ANK2: variants seen among roughly 807,000 people sequenced by gnomAD.
ANK2 encodes ankyrin 2, also known as ankyrin-2.
Under a neutral mutation model 360.5 loss-of-function variants are expected in ANK2, and 83 were observed. That is an observed-to-expected ratio of 0.23 (90% confidence interval 0.19 to 0.28). The LOEUF (loss-of-function observed/expected upper bound fraction) is 0.28, where lower values mean the gene tolerates loss of function less well. Among genes scored for constraint, ANK2 ranks in the 10% least tolerant of loss-of-function variants. The pLI, the probability that ANK2 is intolerant of heterozygous loss-of-function variation, is 1.00. For missense variants in ANK2, 4,201 were observed against 4,795.7 expected (o/e 0.88, Z 3.66); for synonymous variants, 1,740 against 1,759.5 (o/e 0.99, Z 0.28).
the ANK2 span, among the ~76,000 whole-genome samples, chr4:112,786,845 T>C: frequency 1.1e-4 from 17 of 150,218 alleles, no homozygotes; most frequent in African/African-American, 4.2e-4. Context: ...ACCTCCCAGG[T>C]TCATGTGATT....
chr4:112,750,426 G>T, the ANK2 span, among the ~76,000 whole-genome samples: 1 of 152,064 alleles, frequency 6.6e-6, no homozygotes. Flanking sequence ...AATATGTTTA[G>T]ATACACAAAT....
chr4:112,782,202 TTC>T, the ANK2 span, among the ~76,000 whole-genome samples: 1 of 152,212 alleles, frequency 6.6e-6, no homozygotes, highest in East Asian at 1.9e-4. Flanking sequence ...TAGGATTTTT[TTC>T]AAAATAATCT....
At position 113,373,310 on chromosome 4, in the gene ANK2, A is replaced by C. The variant is rs1554597581; in HGVS notation, c.11720A>C (p.Tyr3907Ser). ...KKVTRKIIRRYVSSEGTEKEE... is the reference protein window; with the variant it reads ...KKVTRKIIRRSVSSEGTEKEE... Reference sequence around the variant, plus strand: ...GTTACTAGGAAAATCATTAGGCGGTATGTATCCTCTGAAGGCACAGAGAAA... The same window carrying C: ...GTTACTAGGAAAATCATTAGGCGGTCTGTATCCTCTGAAGGCACAGAGAAA... Residue 3907 changes from tyrosine (Y) to serine (S), a missense_variant, in exon 45 of 46, where the codon TAT becomes TCT. This residue lies in a region of ANK2 where 2,642 missense variants were observed against 2,714.5 expected (regional missense o/e 0.97). Transcript: ENST00000357077. 1 of 1,614,208 alleles carries C rather than the reference A, an allele frequency of 6.2e-7. No individual in the cohort carries two copies. Among genetic ancestry groups the C allele is most frequent in the East Asian group, 2.2e-5 (1 of 44,880 alleles).
intron 1 of ANK2, among the ~76,000 whole-genome samples, chr4:112,875,878 A>G (rs987062719): frequency 1.1e-4 from 16 of 150,942 alleles, no homozygotes; most frequent in Admixed American, 3.3e-4. Flanking sequence ...AGTAGCTGAG[A>G]CCAGATGAGC....
At chr4:113,192,865 C>T (rs1471254296) in intron 2 of ANK2, among the ~76,000 whole-genome samples, 1 of 150,718 alleles carries the variant, frequency 6.6e-6, no homozygotes, top group African/African-American at 2.4e-5. Context: ...TTTTCTTCTC[C>T]CAGGCAAATG....
chr4:113,021,541 C>CACACACATATATAT lies in ANK2; in HGVS notation c.21+117028_21+117029insCACACATATATATA, dbSNP rs1489947974. ...ATACACACACACACCCACACACAAACATATATATATATATATATATATATA... is the reference window on the plus strand; with the variant it reads ...ATACACACACACACCCACACACAAACACACACATATATATATATATATATATATATATATATATA... On this transcript the variant is annotated intron_variant, in intron 2 of 30. Transcript: ENST00000503271. Among the ~76,000 whole-genome samples, 31 of 95,636 alleles carry CACACACATATATAT rather than the reference C, an allele frequency of 3.2e-4. 1 individual carries two copies. The highest frequency in any genetic ancestry group is 1.1e-3 in the African/African-American group (30 of 26,178). The allele number at this position is 95,636 out of a possible 152,430, so 62.7% of individuals were successfully genotyped here.
At chr4:113,348,697 C>G (rs139462958) in intron 36 of ANK2, among the ~76,000 whole-genome samples, 12 of 152,010 alleles carry the variant, frequency 7.9e-5, no homozygotes, top group African/African-American at 2.7e-4. Context: ...ACATTATTTG[C>G]CTTTTAAACT....
chr4:112,864,986 C>T (rs904356552), intron 1 of ANK2, among the ~76,000 whole-genome samples: 6 of 128,060 alleles, frequency 4.7e-5, no homozygotes, highest in Non-Finnish European at 9.3e-5. Context: ...GAGCCGAGAT[C>T]GCGCCACTGC....
At chr4:113,267,510 C>A (rs1447287210) in intron 14 of ANK2, among the ~76,000 whole-genome samples, 1 of 152,138 alleles carries the variant, frequency 6.6e-6, no homozygotes, top group Non-Finnish European at 1.5e-5. Context: ...ATAGGGAATC[C>A]TTTTCCCATT....
chr4:113,106,953 A>T (rs751067547), intron 1 of ANK2: 1 of 530,852 alleles, frequency 1.9e-6, no homozygotes, highest in South Asian at 1.4e-5. Flanking sequence ...TTTTAAAAGA[A>T]CCTATTACAG....
chr4:113,237,561 A>G, intron 6 of ANK2, 38 bp from the exon 7 acceptor site: 1 of 1,587,074 alleles, frequency 6.3e-7, no homozygotes, highest in Non-Finnish European at 8.7e-7. Context: ...TGCATTGTGT[A>G]ATATCTTCCC....
intron 1 of ANK2, among the ~76,000 whole-genome samples, chr4:113,150,006 G>A (rs1052803199): frequency 2.0e-5 from 3 of 151,406 alleles, no homozygotes; most frequent in Non-Finnish European, 2.9e-5. Context: ...ATAAAAGGTA[G>A]TAGAGAATTC....
Position 113,381,793 on chromosome 4 carries a change from C to A in ANK2, c.*322C>A. 1.4e-6 allele frequency: 1 copy of A among 738,526 alleles called. No homozygotes were observed. The highest frequency in any genetic ancestry group is 2.1e-6 in the Non-Finnish European group (1 of 477,834). 45.7% of individuals were successfully genotyped at this position (738,526 alleles called of 1,614,324 possible). On this transcript the variant is annotated 3_prime_UTR_variant, in exon 46 of 46. Transcript: ENST00000357077. The stretch of plus-strand genomic sequence containing the variant: ...ACGGCATTTTGCTTTAGTTTTCCCC[C>A]ATCCTCTTTAACTATAAAGCTAATT...
At chr4:113,233,104 CTGTTTTTTTTTTTTTTTTTTTTTTTT>C (rs1282252881) in intron 5 of ANK2, among the ~76,000 whole-genome samples, 3 of 29,296 alleles carry the variant, frequency 1.0e-4, no homozygotes, top group Non-Finnish European at 1.3e-4. Context: ...CTTGGCTTTT[CTGTTTTTTTTTTTTTTTTTTTTTTTT>C]TTTTTTTTTT....
At chr4:112,956,353 CCTT>C (rs1358545926) in intron 2 of ANK2, among the ~76,000 whole-genome samples, 1 of 151,146 alleles carries the variant, frequency 6.6e-6, no homozygotes, top group African/African-American at 2.4e-5. Flanking sequence ...ATTTTTTTTT[CCTT>C]CTTTAAGTTG....
chr4:113,195,747 A>G (rs983368400), intron 2 of ANK2, among the ~76,000 whole-genome samples: 4 of 152,106 alleles, frequency 2.6e-5, no homozygotes, highest in Non-Finnish European at 4.4e-5. Context: ...TATTTATTCT[A>G]TTTTTCAGGT....
chr4:113,331,501 A>G (rs1280109953), intron 27 of ANK2, among the ~76,000 whole-genome samples: 3 of 152,202 alleles, frequency 2.0e-5, no homozygotes, highest in Middle Eastern at 3.2e-3. Context: ...GGGTTGCATC[A>G]GAAAATGCCA....
At chr4:112,743,885 C>A in the ANK2 span, among the ~76,000 whole-genome samples, 1 of 151,262 alleles carries the variant, frequency 6.6e-6, no homozygotes, top group African/African-American at 2.4e-5. Flanking sequence ...GGCTGTACTG[C>A]AGTGGCGGAT....
At chr4:113,219,842 A>G (rs1237364511) in intron 4 of ANK2, among the ~76,000 whole-genome samples, 1 of 152,192 alleles carries the variant, frequency 6.6e-6, no homozygotes, top group Non-Finnish European at 1.5e-5. Flanking sequence ...GGTACAAACT[A>G]TATTTTGGTA....
Sources: gnomAD v4.1 joint callset for allele counts (sites outside exome capture counted in the v4.1 genomes callset) on GRCh38, gnomAD v4.1.1 for gene constraint, gnomAD v4.1.1 regional missense constraint, MANE v1.5 for transcripts, NCBI Gene and HGNC (gene_info 2026-07-23, HGNC 2026-07-21) for gene names.